PHTF1: variants seen among roughly 807,000 people sequenced by gnomAD.
PHTF1 encodes the protein protein PHTF1.
A neutral mutation model predicts 102.4 loss-of-function variants in PHTF1; 88 were observed. The ratio of observed to expected loss-of-function variants is 0.86; its 90% CI spans 0.72 to 1.03. The LOEUF is 1.03. Ranked by LOEUF, PHTF1 falls within the 50% of genes least tolerant of loss-of-function variation. PHTF1 has a pLI of 0.00. For missense variants in PHTF1, 814 were observed against 909.5 expected, an observed-to-expected ratio of 0.89 and a Z score of 1.35; for synonymous variants, 289 against 305.2, an observed-to-expected ratio of 0.95 and a Z score of 0.55.
chr1:113,705,337 G>A (rs1355199722), intron 13 of PHTF1, among the ~76,000 whole-genome samples: 2 of 152,132 alleles, frequency 1.3e-5, no homozygotes, highest in African/African-American at 4.8e-5. Context: ...CTACTGGGGA[G>A]GCTGAGCTGG....
intron 15 of PHTF1, chr1:113,703,794 A>C: frequency 2.9e-6 from 1 of 340,580 alleles, no homozygotes; most frequent in Non-Finnish European, 5.4e-6. Flanking sequence ...ATAAATACAG[A>C]AGGAATAATG....
chr1:113,725,068 T>G lies in PHTF1; in HGVS notation c.489-175A>C, dbSNP rs187294929. Among the ~76,000 whole-genome samples the G allele has an allele frequency of 4.4e-3, 674 of 152,264 alleles. 5 individuals are homozygous for G. Among genetic ancestry groups the G allele is most frequent in the African/African-American group, 0.015 (639 of 41,562 alleles). ...TTTCTGATTTGAGGGCAAAACCAGA[T>G]TCCAAACCAAAGTCCTATGCTACCA... On this transcript the variant is annotated intron_variant, in intron 6 of 18. Coordinates refer to ENST00000369604, the MANE Select transcript of PHTF1 (RefSeq NM_001323043.2).
chr1:113,751,098 C>A (rs1264257118), intron 3 of PHTF1, among the ~76,000 whole-genome samples: 1 of 151,826 alleles, frequency 6.6e-6, no homozygotes, highest in Non-Finnish European at 1.5e-5. Flanking sequence ...CTTGTCTCTA[C>A]AAAATATAAA....
chr1:113,724,886 G>C lies in PHTF1; in HGVS notation c.496C>G (p.Arg166Gly), dbSNP rs200552382. 7 of 1,586,194 alleles carry C rather than the reference G, an allele frequency of 4.4e-6. No homozygotes were observed. Among genetic ancestry groups the C allele is most frequent in the Non-Finnish European group, 6.0e-6 (7 of 1,169,196 alleles). ...NNGNRRRRKL[R>G]KTVNGDGSRE... ...CTCCCATCACCATTTACAGTTTTTC[G>C]TAATTTTCTACAAAAAAAAATTTCA... The change falls in exon 7 of 19, where the codon CGA becomes GGA. Residue 166 changes from arginine to glycine, a missense_variant. Transcript: ENST00000369604.
At position 113,700,861 on chromosome 1, in the gene PHTF1, C is replaced by A; in HGVS notation, c.1979G>T (p.Arg660Leu). 6.2e-7 allele frequency: 1 copy of A among 1,611,512 alleles called. No homozygotes were observed. Among genetic ancestry groups the A allele is most frequent in the Non-Finnish European group, 8.5e-7 (1 of 1,179,176 alleles). Residue 660 changes from arginine (R) to leucine (L), a missense_variant, in exon 16 of 19, where the codon CGT (arginine) becomes CTT (leucine). Coordinates refer to ENST00000369604, the MANE Select transcript of PHTF1 (RefSeq NM_001323043.2). ...WETALLLFLL[R>L]LASLGSETNK... is the part of the protein sequence containing the mutation. The stretch of plus-strand genomic sequence containing the variant: ...GGTTTCAGACCCCAGTGAGGCCAGA[C>A]GCAATAAAAAAAGTAGTAAAGCTGT...
chr1:113,739,395 TCTC>T (rs1656000611), intron 3 of PHTF1, among the ~76,000 whole-genome samples: 1 of 152,188 alleles, frequency 6.6e-6, no homozygotes, highest in Non-Finnish European at 1.5e-5. Flanking sequence ...CCATCTCTCC[TCTC>T]CTCTGAATTT....
intron 3 of PHTF1, among the ~76,000 whole-genome samples, chr1:113,740,211 C>T (rs367938209): frequency 4.6e-5 from 7 of 152,136 alleles, no homozygotes; most frequent in African/African-American, 1.4e-4. Context: ...AAGAATTCCC[C>T]TTTCTCTGCA....
chr1:113,724,798 G>A lies in PHTF1; in HGVS notation c.584C>T (p.Pro195Leu), dbSNP rs1373174117. The A allele has an allele frequency of 1.2e-6, 2 of 1,609,606 alleles. No individual in the cohort carries two copies. The highest frequency in any genetic ancestry group is 2.7e-5 in the African/African-American group (2 of 74,578). ...VRGIETLESV[P>L]IIGGFWETIF... Reference sequence around the variant, plus strand: ...AGTCTCCCAAAAACCACCAATAATGGGTACAGATTCCAAAGTTTCTATTCC... The same window carrying A: ...AGTCTCCCAAAAACCACCAATAATGAGTACAGATTCCAAAGTTTCTATTCC... The change falls in exon 7 of 19, where the codon CCC (proline) becomes CTC (leucine). Residue 195 changes from proline (P) to leucine (L), a missense_variant. Transcript: ENST00000369604.
At chr1:113,747,665 A>G (rs1571241297) in intron 3 of PHTF1, among the ~76,000 whole-genome samples, 1 of 152,280 alleles carries the variant, frequency 6.6e-6, no homozygotes, top group South Asian at 2.1e-4. Context: ...GAATTTTGAG[A>G]CTCTAAGTTC....
At chr1:113,706,842 TC>T (rs1650275775) in intron 11 of PHTF1, 120 bp from the exon 12 acceptor site, 1 of 542,750 alleles carries the variant, frequency 1.8e-6, no homozygotes, top group Non-Finnish European at 3.1e-6. Context: ...GCTGGTCCTT[TC>T]TTTCTTTCTT....
At chr1:113,752,884 G>A (rs900294415) in intron 3 of PHTF1, among the ~76,000 whole-genome samples, 3 of 152,124 alleles carry the variant, frequency 2.0e-5, no homozygotes, top group Non-Finnish European at 2.9e-5. Context: ...CTGATTTTAG[G>A]GGAAAACATT....
At chr1:113,743,742 G>A (rs1326994309) in intron 3 of PHTF1, among the ~76,000 whole-genome samples, 1 of 152,112 alleles carries the variant, frequency 6.6e-6, no homozygotes, top group Admixed American at 6.5e-5. Flanking sequence ...ATAATCTTAT[G>A]GGACCATTGT....
chr1:113,727,827 C>G (rs914650545), intron 5 of PHTF1, among the ~76,000 whole-genome samples: 5 of 151,956 alleles, frequency 3.3e-5, no homozygotes, highest in Admixed American at 3.3e-4. Context: ...ATTAGCCAAA[C>G]ATGGTGGCAC....
intron 11 of PHTF1, 102 bp from the exon 12 acceptor site, chr1:113,706,824 T>A: frequency 1.1e-5 from 6 of 526,744 alleles, no homozygotes; most frequent in Non-Finnish European, 1.7e-5. Flanking sequence ...AATAACCACC[T>A]CTATAATGCT....
intron 7 of PHTF1, among the ~76,000 whole-genome samples, chr1:113,721,321 T>G (rs1371027069): frequency 6.6e-6 from 1 of 152,114 alleles, no homozygotes; most frequent in African/African-American, 2.4e-5. Context: ...ATGATAAGAA[T>G]TCTCAAAAAT....
chr1:113,721,569 C>T (rs1329576975), intron 7 of PHTF1, among the ~76,000 whole-genome samples: 1 of 152,196 alleles, frequency 6.6e-6, no homozygotes, highest in Non-Finnish European at 1.5e-5. Context: ...ATTCAAATTA[C>T]CTTTGTTTAC....
chr1:113,759,842 G>A (rs1346744225), upstream of PHTF1, among the ~76,000 whole-genome samples: 1 of 152,228 alleles, frequency 6.6e-6, no homozygotes, highest in Non-Finnish European at 1.5e-5. Context: ...GGCTCCATGA[G>A]GTCAGAGACT....
upstream of PHTF1, among the ~76,000 whole-genome samples, chr1:113,759,716 C>T (rs961751112): frequency 6.6e-6 from 1 of 152,236 alleles, no homozygotes; most frequent in Non-Finnish European, 1.5e-5. Context: ...TCCTCACAAA[C>T]GACTCTCCCA....
chr1:113,740,757 C>T (rs1656222179), intron 3 of PHTF1, among the ~76,000 whole-genome samples: 2 of 152,116 alleles, frequency 1.3e-5, no homozygotes, highest in South Asian at 4.1e-4. Context: ...TGGCCAGGTG[C>T]AGTGGCTCAC....
Sources: allele counts gnomAD v4.1 joint callset (sites outside exome capture counted in the v4.1 genomes callset), GRCh38; gene constraint gnomAD v4.1.1; transcripts MANE v1.5; gene names NCBI Gene and HGNC (gene_info 2026-07-23, HGNC 2026-07-21).